The following DNAJA4 variants were observed in gnomAD, a reference collection of about 807,000 sequenced individuals.
DNAJA4 encodes DnaJ heat shock protein family (Hsp40) member A4.
Under a neutral mutation model 39.7 loss-of-function variants are expected in DNAJA4, and 32 were observed. The observed-to-expected ratio is 0.81, with a 90% CI of 0.61 to 1.08. The LOEUF is 1.08. Among genes scored for constraint, DNAJA4 ranks in the 50% least tolerant of loss-of-function variants. DNAJA4 has a pLI of 0.00. For synonymous variants in DNAJA4, 184 were observed against 182.4 expected (o/e 1.01, Z -0.07); for missense variants, 439 against 505.1 (o/e 0.87, Z 1.25).
intron 2 of DNAJA4, among the ~76,000 whole-genome samples, chr15:78,272,005 T>A (rs1270965783): frequency 6.6e-6 from 1 of 152,116 alleles, no homozygotes; most frequent in Non-Finnish European, 1.5e-5. Context: ...CACAAAGTGT[T>A]TATTAGGGAA....
rs929401083 is a variant in DNAJA4, at chr15:78,282,128, C to T, written c.*1668C>T. The T allele has an allele frequency of 6.6e-6, 1 of 152,062 alleles. No homozygotes were observed. The allele number at this position is 152,062 out of a possible 1,614,324, so 9.4% of individuals were successfully genotyped here. A position where few individuals can be genotyped will look rare whatever the true frequency, so the allele number is the denominator to read the frequency against. On this transcript the variant is annotated 3_prime_UTR_variant, in exon 7 of 7. Coordinates refer to ENST00000394852, the MANE Select transcript of DNAJA4 (RefSeq NM_001130182.2). Reference sequence around the variant, plus strand: ...CATATAAAAGGAATTTGGAGGGTGTCGCTTAAAATTTTATTCCACCTGTAC... The same window carrying T: ...CATATAAAAGGAATTTGGAGGGTGTTGCTTAAAATTTTATTCCACCTGTAC...
intron 1 of DNAJA4, among the ~76,000 whole-genome samples, chr15:78,269,783 G>C (rs1446554436): frequency 6.6e-6 from 1 of 151,374 alleles, no homozygotes; most frequent in African/African-American, 2.4e-5. Context: ...TTTAATTTTA[G>C]AGTATCTCTC....
rs1467299782 is a variant in DNAJA4, at chr15:78,275,683, A to G, written c.832A>G (p.Ile278Val). The stretch of plus-strand genomic sequence containing the variant: ...AGCTCTTTGTGGCTTCAAGAAGACG[A>G]TAAAAACATTGGACAATCGAATTCT... The part of the protein sequence containing the change: ...SEALCGFKKT[I>V]KTLDNRILVI... The change falls in exon 5 of 7, where the codon ATA (isoleucine) becomes GTA (valine). Residue 278 changes from isoleucine (I) to valine (V), a missense_variant. Ile to Val is a conservative substitution (Grantham distance 29, BLOSUM62 3). Coordinates refer to ENST00000394852, the MANE Select transcript of DNAJA4 (RefSeq NM_001130182.2). 26 of 1,613,936 alleles carry G rather than the reference A, an allele frequency of 1.6e-5. No individual in the cohort carries two copies. Among genetic ancestry groups the G allele is most frequent in the Non-Finnish European group, 2.1e-5 (25 of 1,179,952 alleles).
intron 2 of DNAJA4, 71 bp downstream of exon 2, chr15:78,270,748 T>G: frequency 2.0e-6 from 3 of 1,522,096 alleles, no homozygotes; most frequent in Non-Finnish European, 1.8e-6. Flanking sequence ...GGAATCAGGA[T>G]AGATCATGCT....
intron 1 of DNAJA4, chr15:78,266,093 T>C: frequency 1.5e-6 from 1 of 685,782 alleles, no homozygotes; most frequent in Non-Finnish European, 2.4e-6. Flanking sequence ...TTAGATGGCT[T>C]ACTGTAGCTT....
At chr15:78,278,467 A>T (rs866971579) in intron 5 of DNAJA4, among the ~76,000 whole-genome samples, 1 of 152,266 alleles carries the variant, frequency 6.6e-6, no homozygotes, top group Admixed American at 6.5e-5. Flanking sequence ...TGTGTGGCAT[A>T]GCCTGTTGCT....
At position 78,267,420 on chromosome 15, in the gene DNAJA4, G is replaced by A. The variant is rs916843319; in HGVS notation, c.132+2525G>A. On this transcript the variant is annotated intron_variant, in intron 1 of 6. Coordinates refer to ENST00000394852, the MANE Select transcript of DNAJA4 (RefSeq NM_001130182.2). ...CTGTTGCTAAGCATTGGGGCACCTTGTGTTTTTTGGGCACTCTGTATGGAG... is the reference window on the plus strand; with the variant it reads ...CTGTTGCTAAGCATTGGGGCACCTTATGTTTTTTGGGCACTCTGTATGGAG... 4.0e-5 allele frequency among the ~76,000 whole-genome samples: 6 copies of A among 151,880 alleles called. No homozygotes were observed. The East Asian group carries it at 9.7e-4, about 24-fold the overall frequency.
At chr15:78,276,207 A>G (rs1395887227) in intron 5 of DNAJA4, among the ~76,000 whole-genome samples, 2 of 152,244 alleles carry the variant, frequency 1.3e-5, no homozygotes, top group Non-Finnish European at 2.9e-5. Context: ...TTTTCTATCA[A>G]GTGGTGATTT....
Position 78,274,437 on chromosome 15 carries a change from A to C in DNAJA4, c.646+13A>C. On this transcript the variant is annotated intron_variant, in intron 4 of 6. Transcript: ENST00000394852. The stretch of plus-strand genomic sequence containing the variant: ...CATGTTGAAAAAGGTGAGGCTGCGC[A>C]GAGCTGGTGCTCCACACGGGCTGGA... 1.2e-6 allele frequency: 2 copies of C among 1,611,980 alleles called. No homozygotes were observed. Among genetic ancestry groups the C allele is most frequent in the South Asian group, 1.1e-5 (1 of 91,024 alleles).
At chr15:78,265,072 G>T (rs765447961) in intron 1 of DNAJA4, among the ~76,000 whole-genome samples, 177 bp downstream of exon 1, 3 of 152,228 alleles carry the variant, frequency 2.0e-5, no homozygotes, top group Non-Finnish European at 4.4e-5. Context: ...CGGCGCGGTC[G>T]GTGGAGGGCG....
rs956082664 is a variant in DNAJA4 at position 78,275,589 on chromosome 15, G to C, written c.738G>C (p.Gln246His). Reference protein sequence around the residue: ...EPGDVIIVLDQKDHSVFQRRG... With the variant: ...EPGDVIIVLDHKDHSVFQRRG... ...GTGATGTCATAATTGTGCTTGATCA[G>C]AAGGATCATAGTGTCTTTCAGAGAC... Residue 246 changes from glutamine (Q) to histidine (H), a missense_variant, in exon 5 of 7, where the codon CAG becomes CAC. Physicochemically the swap from Gln to His is conservative, Grantham distance 24. Transcript: ENST00000394852. The C allele has an allele frequency of 6.2e-7, 1 of 1,614,210 alleles. No individual in the cohort carries two copies. Among genetic ancestry groups the C allele is most frequent in the East Asian group, 2.2e-5 (1 of 44,892 alleles).
In DNAJA4 at chr15:78,275,477, G is replaced by T. The variant is rs370302985; in HGVS notation, c.647-21G>T. The T allele has an allele frequency of 6.3e-6, 10 of 1,586,960 alleles. No individual in the cohort carries two copies. The African/African-American group carries it at 1.3e-4, about 21-fold the overall frequency. Reference sequence around the variant, plus strand: ...GGTTTGTATGAGAAATGGCTAATCAGAAAGGGATGATGTTTCATAGGTATG... The same window carrying T: ...GGTTTGTATGAGAAATGGCTAATCATAAAGGGATGATGTTTCATAGGTATG... On this transcript the variant is annotated intron_variant, in intron 4 of 6. Coordinates refer to ENST00000394852, the MANE Select transcript of DNAJA4 (RefSeq NM_001130182.2).
At chr15:78,275,227 CT>C in intron 4 of DNAJA4, 1 of 442,436 alleles carries the variant, frequency 2.3e-6, no homozygotes, top group Non-Finnish European at 4.1e-6. Context: ...ATCACAGGCC[CT>C]GGGCAGGGAG....
chr15:78,265,044 G>A, intron 1 of DNAJA4, 149 bp downstream of exon 1: 4 of 1,026,174 alleles, frequency 3.9e-6, no homozygotes, highest in Non-Finnish European at 5.4e-6. Context: ...GAGGTGGCGG[G>A]AGACCCTGGG....
In DNAJA4 at chr15:78,280,386, T is replaced by C. The variant is rs1175315558; in HGVS notation, c.1120T>C (p.Trp374Arg). 1 of 1,614,134 alleles carries C rather than the reference T, an allele frequency of 6.2e-7. No individual in the cohort carries two copies. Among genetic ancestry groups the C allele is most frequent in the Admixed American group, 1.7e-5 (1 of 60,026 alleles). The part of the protein sequence containing the change: ...LKEFCPNEQN[W>R]RQHREAYEED... Reference sequence around the variant, plus strand: ...GGAGTTTTGTCCCAATGAGCAGAACTGGCGTCAGCACAGGGAGGCCTACGA... The same window carrying C: ...GGAGTTTTGTCCCAATGAGCAGAACCGGCGTCAGCACAGGGAGGCCTACGA... The change falls in exon 7 of 7, where the codon TGG becomes CGG. Residue 374 changes from tryptophan to arginine, a missense_variant. By Grantham distance (101) the Trp-to-Arg change is moderately radical. Coordinates refer to ENST00000394852, the MANE Select transcript of DNAJA4 (RefSeq NM_001130182.2).
At chr15:78,265,544 GAC>G (rs2049098019) in intron 1 of DNAJA4, 1 of 702,214 alleles carries the variant, frequency 1.4e-6, no homozygotes, top group African/African-American at 1.7e-5. Flanking sequence ...GGTGACAAGT[GAC>G]ACACAGTTGA....
intron 1 of DNAJA4, among the ~76,000 whole-genome samples, chr15:78,269,630 T>A (rs1477219602): frequency 6.6e-6 from 1 of 152,152 alleles, no homozygotes; most frequent in Non-Finnish European, 1.5e-5. Flanking sequence ...AGTAAAGTTA[T>A]CAAATTCAAG....
rs764866076 is a variant in DNAJA4 at position 78,280,418 on chromosome 15, C to A, written c.1152C>A (p.Asp384Glu). 5.0e-6 allele frequency: 8 copies of A among 1,613,472 alleles called. No homozygotes were observed. The highest frequency in any genetic ancestry group is 2.2e-5 in the South Asian group (2 of 91,024). The change falls in exon 7 of 7, where the codon GAC becomes GAA. Residue 384 changes from aspartate (D) to glutamate (E), a missense_variant. Physicochemically the swap from Asp to Glu is conservative, Grantham distance 45 (BLOSUM62 2). Transcript: ENST00000394852. ...WRQHREAYEE[D>E]EDGPQAGVQC... Reference sequence around the variant, plus strand: ...AGCACAGGGAGGCCTACGAGGAGGACGAAGACGGGCCCCAGGCTGGAGTGC... The same window carrying A: ...AGCACAGGGAGGCCTACGAGGAGGAAGAAGACGGGCCCCAGGCTGGAGTGC...
Position 78,281,660 on chromosome 15 carries a change from C to A in DNAJA4, c.*1200C>A, listed in dbSNP as rs1047772900. ...TTACCTCAGTCTTTAGCCATTACTG[C>A]TTATTTCTTTTCCCCAAGTCACAAA... is the stretch of plus-strand genomic sequence containing the variant. On this transcript the variant is annotated 3_prime_UTR_variant, in exon 7 of 7. Coordinates refer to ENST00000394852, the MANE Select transcript of DNAJA4 (RefSeq NM_001130182.2). 1 of 152,190 alleles carries A rather than the reference C, an allele frequency of 6.6e-6. No individual in the cohort carries two copies. The highest frequency in any genetic ancestry group is 2.4e-5 in the African/African-American group (1 of 41,438). The allele number at this position is 152,190 out of a possible 1,614,324, so 9.4% of individuals were successfully genotyped here.
Sources: gnomAD v4.1 joint callset for allele counts (sites outside exome capture counted in the v4.1 genomes callset) on GRCh38, gnomAD v4.1.1 for gene constraint, MANE v1.5 for transcripts, NCBI Gene and HGNC (gene_info 2026-07-23, HGNC 2026-07-21) for gene names.